CEBPZOS: variants seen among roughly 807,000 people sequenced by gnomAD.
The protein encoded by CEBPZOS is protein CEBPZOS.
In CEBPZOS, 10 loss-of-function variants were observed where a neutral mutation model predicts 4.8. That is an observed-to-expected ratio of 2.07 (90% CI 1.28 to 3.52). The LOEUF (loss-of-function observed/expected upper bound fraction) is 3.52. Ranked by LOEUF, CEBPZOS falls within the 30% of genes most tolerant of loss-of-function variation. The probability of loss-of-function intolerance (pLI) is 0.00; values close to 1 mark genes in which losing one functional copy is unlikely to be tolerated. For missense variants in CEBPZOS, 98 were observed against 43.6 expected, an observed-to-expected ratio of 2.25 and a Z score of -3.51; for synonymous variants, 25 against 14.2, an observed-to-expected ratio of 1.77 and a Z score of -1.72.
At chr2:37,215,723 G>C (rs1178156913), downstream of CEBPZOS, among the ~76,000 whole-genome samples, 1 of 152,104 alleles carries the variant, frequency 6.6e-6, no homozygotes, top group Admixed American at 6.5e-5. Context: ...TTAAAATGAT[G>C]CTCTGTGACA....
downstream of CEBPZOS, among the ~76,000 whole-genome samples, chr2:37,214,205 T>G (rs910971561): frequency 2.0e-5 from 3 of 152,208 alleles, no homozygotes; most frequent in African/African-American, 7.2e-5. Flanking sequence ...ATTCTTATAT[T>G]AGAATACAGC....
intron 4 of CEBPZOS, chr2:37,212,033 C>A: frequency 6.3e-7 from 1 of 1,575,400 alleles, no homozygotes; most frequent in African/African-American, 1.4e-5. Flanking sequence ...TTCTCTTTTT[C>A]ACGTTTCTGG....
intron 4 of CEBPZOS, chr2:37,212,475 G>A (rs1363374041): frequency 5.1e-6 from 6 of 1,175,358 alleles, no homozygotes; most frequent in African/African-American, 3.0e-5. Context: ...ATTATTCTAA[G>A]TCATGATTCT....
At chr2:37,205,867 A>C (rs1488135935), downstream of CEBPZOS, among the ~76,000 whole-genome samples, 1 of 152,088 alleles carries the variant, frequency 6.6e-6, no homozygotes, top group African/African-American at 2.4e-5. Context: ...AAAAATGTTA[A>C]AAAACAATTA....
chr2:37,202,805 T>C lies in CEBPZOS; in HGVS notation c.*945T>C, dbSNP rs779713871. On this transcript the variant is annotated 3_prime_UTR_variant, in exon 5 of 5. Transcript: ENST00000402297. ...TTACTTGCATTATCTTTGTTAGCCATGGCATTCATGCCAATGTTATCAAAC... is the reference window on the plus strand; with the variant it reads ...TTACTTGCATTATCTTTGTTAGCCACGGCATTCATGCCAATGTTATCAAAC... 6 of 1,588,764 alleles carry C rather than the reference T, an allele frequency of 3.8e-6. No homozygotes were observed. The South Asian group carries it at 4.6e-5, about 12-fold the overall frequency.
chr2:37,197,415 C>G (rs1386274768), intron 1 of CEBPZOS: 1 of 152,260 alleles, frequency 6.6e-6, no homozygotes, highest in Non-Finnish European at 1.5e-5. Context: ...ACCAAGGCAG[C>G]CGTACAGTAT....
At chr2:37,205,138 A>G (rs1677489155), downstream of CEBPZOS, among the ~76,000 whole-genome samples, 2 of 152,258 alleles carry the variant, frequency 1.3e-5, no homozygotes, top group Admixed American at 6.5e-5. Context: ...GGACTAAGAA[A>G]TTGACAGCAG....
At position 37,200,787 on chromosome 2, in the gene CEBPZOS, C is replaced by T. The variant is rs557046961; in HGVS notation, c.116-261C>T. On this transcript the variant is annotated intron_variant, in intron 2 of 4. Transcript: ENST00000402297. ...GACCTTGGCTGACGTAGGAGGCTCG[C>T]TTGAGCCCAGCCCAGGGGGGTCTAG... Among the ~76,000 whole-genome samples the T allele has an allele frequency of 4.5e-4, 69 of 152,302 alleles. No individual in the cohort carries two copies. In the South Asian group the frequency reaches 0.014, roughly 31 times the overall value.
intron 4 of CEBPZOS, chr2:37,211,026 C>T: frequency 1.9e-6 from 3 of 1,611,232 alleles, no homozygotes; most frequent in Non-Finnish European, 2.5e-6. Flanking sequence ...AAGTCAAAAT[C>T]ATCTGTACCT....
chr2:37,200,031 GA>G (rs1354559458), intron 2 of CEBPZOS, among the ~76,000 whole-genome samples: 1 of 152,236 alleles, frequency 6.6e-6, no homozygotes, highest in African/African-American at 2.4e-5. Flanking sequence ...GTGGGCTAAG[GA>G]AAAAATTTCA....
chr2:37,212,154 A>G lies in CEBPZOS; in HGVS notation c.*3-1283A>G, dbSNP rs367558037. The G allele has an allele frequency of 3.5e-5, 36 of 1,032,108 alleles. No homozygotes were observed. In the East Asian group the frequency reaches 7.8e-4, roughly 22 times the overall value. The allele number at this position is 1,032,108 out of a possible 1,614,324, so 63.9% of individuals were successfully genotyped here. ...GACTCAGAAGGAGAAAGCTTTGCAG[A>G]CTGCTCAGAGTAAATAATAACGTGC... On this transcript the variant is annotated intron_variant, in intron 4 of 4. Coordinates refer to the CEBPZOS transcript ENST00000397064.
In CEBPZOS at chr2:37,204,301, C is replaced by G. The variant is rs1677442446; in HGVS notation, c.*2441C>G. ...GATTTTTTTTTTTTTTTTTTTGAGA[C>G]AGAGTCTCGCTTTGTCGCCAGGCTG... On this transcript the variant is annotated 3_prime_UTR_variant, in exon 5 of 5. Coordinates refer to ENST00000402297, the MANE Select transcript of CEBPZOS (RefSeq NM_001322374.2). The G allele has an allele frequency of 8.4e-6, 1 of 118,948 alleles. No individual in the cohort carries two copies. Among genetic ancestry groups the G allele is most frequent in the Admixed American group, 1.1e-4 (1 of 9,480 alleles). The allele number at this position is 118,948 out of a possible 1,614,324, so 7.4% of individuals were successfully genotyped here. A position where few individuals can be genotyped will look rare whatever the true frequency, so the allele number is the denominator to read the frequency against.
chr2:37,199,413 A>AT (rs1178527076), intron 1 of CEBPZOS, among the ~76,000 whole-genome samples: 3 of 152,192 alleles, frequency 2.0e-5, no homozygotes, highest in Non-Finnish European at 4.4e-5. Flanking sequence ...TTCCTACACA[A>AT]TTAAATAATT....
chr2:37,201,093 GTA>G lies in CEBPZOS; in HGVS notation c.160+3_160+4del, dbSNP rs1283962587. Reference sequence around the variant, plus strand: ...AAGAAATATCCCTTCATCTTGGAAGGTATGTTTTTCCTTAAGTAAAAATAAGT... The same window carrying G: ...AAGAAATATCCCTTCATCTTGGAAGGTGTTTTTCCTTAAGTAAAAATAAGT... On this transcript the variant is annotated splice_donor_variant and splice_donor_region_variant and intron_variant, in intron 3 of 4. Coordinates refer to ENST00000402297, the MANE Select transcript of CEBPZOS (RefSeq NM_001322374.2). LOFTEE classifies it high-confidence loss of function. The G allele has an allele frequency of 4.2e-6, 3 of 714,800 alleles. No individual in the cohort carries two copies. In the South Asian group the frequency reaches 4.5e-5, roughly 11 times the overall value. 44.3% of individuals were successfully genotyped at this position (714,800 alleles called of 1,614,324 possible).
intron 3 of CEBPZOS, 41 bp downstream of exon 3, chr2:37,201,133 C>T (rs1368712599): frequency 2.8e-6 from 2 of 703,368 alleles, no homozygotes; most frequent in African/African-American, 3.6e-5. Flanking sequence ...AAAACAACTT[C>T]TTCAGGTAAC....
intron 1 of CEBPZOS, among the ~76,000 whole-genome samples, chr2:37,198,295 A>T (rs980103053): frequency 4.6e-5 from 7 of 152,184 alleles, no homozygotes; most frequent in South Asian, 2.1e-4. Context: ...ACTGCCTCTT[A>T]GTTATATATG....
chr2:37,215,841 C>T (rs544130677), downstream of CEBPZOS, among the ~76,000 whole-genome samples: 1 of 150,982 alleles, frequency 6.6e-6, no homozygotes, highest in East Asian at 1.9e-4. Context: ...GATGAAGCTA[C>T]GGATGATAAA....
chr2:37,211,198 A>G (rs1394118314), intron 4 of CEBPZOS: 1 of 595,888 alleles, frequency 1.7e-6, no homozygotes. Flanking sequence ...CTGCTATTCC[A>G]TGTGGGTTTT....
chr2:37,210,159 C>T (rs1017252037), intron 4 of CEBPZOS: 6 of 152,148 alleles, frequency 3.9e-5, no homozygotes, highest in East Asian at 1.9e-4. Flanking sequence ...AATAAGGGAA[C>T]ACTTCTACAT....
Sources: gnomAD v4.1 joint callset for allele counts (sites outside exome capture counted in the v4.1 genomes callset) on GRCh38, gnomAD v4.1.1 for gene constraint, MANE v1.5 for transcripts, NCBI Gene and HGNC (gene_info 2026-07-23, HGNC 2026-07-21) for gene names.